Variants in PTPRO observed in about 807,000 individuals in gnomAD.
The protein encoded by PTPRO is receptor-type tyrosine-protein phosphatase O.
Under a neutral mutation model 145.2 loss-of-function variants are expected in PTPRO, and 62 were observed. The observed-to-expected ratio is 0.43, with a 90% CI of 0.35 to 0.53. PTPRO has a LOEUF of 0.53. Ranked by LOEUF, PTPRO falls within the 20% of genes least tolerant of loss-of-function variation. The pLI is 0.01. For synonymous variants in PTPRO, 565 were observed against 514.7 expected, an observed-to-expected ratio of 1.10 and a Z score of -1.32; for missense variants, 1,345 against 1,482.7, an observed-to-expected ratio of 0.91 and a Z score of 1.53.
At chr12:15,523,421 T>A (rs1286678641) in intron 10 of PTPRO, among the ~76,000 whole-genome samples, 1 of 152,196 alleles carries the variant, frequency 6.6e-6, no homozygotes, top group African/African-American at 2.4e-5. Flanking sequence ...TCAGAGCCTA[T>A]ATAGTATAAA....
chr12:15,491,963 A>C (rs1047677999), intron 2 of PTPRO, among the ~76,000 whole-genome samples: 1 of 140,520 alleles, frequency 7.1e-6, no homozygotes, highest in Non-Finnish European at 1.5e-5. Context: ...CAAACAAACA[A>C]ACAAAAACAT....
At chr12:15,444,510 G>C (rs951965383) in intron 1 of PTPRO, among the ~76,000 whole-genome samples, 1 of 151,916 alleles carries the variant, frequency 6.6e-6, no homozygotes, top group South Asian at 2.1e-4. Context: ...GAAAAAAAAA[G>C]TTTTAAAGGC....
chr12:15,525,742 A>G (rs1942824399), intron 11 of PTPRO, among the ~76,000 whole-genome samples: 1 of 152,236 alleles, frequency 6.6e-6, no homozygotes, highest in African/African-American at 2.4e-5. Flanking sequence ...GATGGGAAAT[A>G]ACAATGGCTG....
At chr12:15,474,520 G>A (rs1413263965) in intron 1 of PTPRO, among the ~76,000 whole-genome samples, 1 of 152,172 alleles carries the variant, frequency 6.6e-6, no homozygotes, top group African/African-American at 2.4e-5. Context: ...ACATCAATTT[G>A]CTGTGTGACA....
At chr12:15,476,648 T>G (rs1268624827) in intron 1 of PTPRO, among the ~76,000 whole-genome samples, 1 of 152,024 alleles carries the variant, frequency 6.6e-6, no homozygotes, top group Non-Finnish European at 1.5e-5. Flanking sequence ...CCCACGCCTA[T>G]GTCCTGAATG....
chr12:15,578,743 A>G, intron 19 of PTPRO, 110 bp from the exon 20 acceptor site: 1 of 818,174 alleles, frequency 1.2e-6, no homozygotes, highest in Non-Finnish European at 2.1e-6. Context: ...CTCTAAAGGG[A>G]GCTACTGCAA....
intron 19 of PTPRO, among the ~76,000 whole-genome samples, chr12:15,569,773 A>AT (rs1270921986): frequency 1.3e-5 from 2 of 152,216 alleles, no homozygotes; most frequent in Non-Finnish European, 2.9e-5. Flanking sequence ...ATTGAAAACC[A>AT]GGGAAATCGA....
intron 14 of PTPRO, 142 bp from the exon 15 acceptor site, chr12:15,551,409 C>G: frequency 9.1e-7 from 1 of 1,104,750 alleles, no homozygotes. Flanking sequence ...GAGGTCATTG[C>G]TGGCTTGGGG....
chr12:15,447,201 G>A (rs982684009), intron 1 of PTPRO, among the ~76,000 whole-genome samples: 1 of 152,058 alleles, frequency 6.6e-6, no homozygotes, highest in Non-Finnish European at 1.5e-5. Context: ...AACAACAAAC[G>A]GCTATGATTT....
intron 1 of PTPRO, among the ~76,000 whole-genome samples, chr12:15,400,083 A>G (rs1939448577): frequency 7.1e-6 from 1 of 141,068 alleles, no homozygotes; most frequent in African/African-American, 2.6e-5. Context: ...GCCAGGTTCG[A>G]GGGTTCAAGC....
chr12:15,377,920 T>G (rs1452449544), intron 1 of PTPRO, among the ~76,000 whole-genome samples: 2 of 151,910 alleles, frequency 1.3e-5, no homozygotes, highest in Non-Finnish European at 2.9e-5. Context: ...AAATAACAAG[T>G]GAAATTTTAA....
Position 15,516,972 on chromosome 12 carries a change from C to A in PTPRO, c.1779+16C>A, listed in dbSNP as rs746282655. On this transcript the variant is annotated intron_variant, in intron 9 of 26. Coordinates refer to ENST00000281171, the MANE Select transcript of PTPRO (RefSeq NM_030667.3). ...TGCATCCGTGGTAATCTTCCCTTAA[C>A]CAACTGTCAGTCTTTCCTATGGGAA... 3 of 1,601,444 alleles carry A rather than the reference C, an allele frequency of 1.9e-6. No homozygotes were observed. The highest frequency in any genetic ancestry group is 2.7e-5 in the African/African-American group (2 of 74,636).
intron 1 of PTPRO, among the ~76,000 whole-genome samples, chr12:15,460,087 T>A (rs1333922932): frequency 2.0e-5 from 3 of 152,208 alleles, no homozygotes; most frequent in Admixed American, 1.3e-4. Flanking sequence ...ATTCACCTAT[T>A]TTCATGCTGA....
chr12:15,468,895 T>C (rs1941476581), intron 1 of PTPRO, among the ~76,000 whole-genome samples: 1 of 152,198 alleles, frequency 6.6e-6, no homozygotes, highest in Admixed American at 6.5e-5. Context: ...CAGAAAACCT[T>C]AGTGAAGGTG....
chr12:15,555,453 G>C (rs892831750), intron 15 of PTPRO, among the ~76,000 whole-genome samples: 1 of 152,172 alleles, frequency 6.6e-6, no homozygotes, highest in African/African-American at 2.4e-5. Context: ...TGGTGGCCTG[G>C]AAGCTAGGGG....
intron 19 of PTPRO, among the ~76,000 whole-genome samples, chr12:15,572,786 A>G (rs936228202): frequency 6.6e-6 from 1 of 151,956 alleles, no homozygotes; most frequent in African/African-American, 2.4e-5. Context: ...AACTAGATCA[A>G]TGGTTCTCAA....
At position 15,516,815 on chromosome 12, in the gene PTPRO, G is replaced by C; in HGVS notation, c.1638G>C (p.Val546=). ...TCTATCCTTTGGGTCCTACGGCCGT[G>C]GTTCTGAGCTGGACCAGACCTTATT... is the stretch of plus-strand genomic sequence containing the variant. ...LMLYPLGPTA[V]VLSWTRPYLG... is the part of the protein sequence containing the mutation. Residue 546 remains valine (V), a synonymous_variant, in exon 9 of 27, where the codon GTG becomes GTC. Transcript: ENST00000281171. The C allele has an allele frequency of 6.2e-7, 1 of 1,612,458 alleles. No individual in the cohort carries two copies. The highest frequency in any genetic ancestry group is 8.5e-7 in the Non-Finnish European group (1 of 1,178,478).
In PTPRO at chr12:15,589,458, T is replaced by G; in HGVS notation, c.3414T>G (p.Ala1138=). Residue 1138 remains alanine (A), a synonymous_variant, in exon 25 of 27, where the codon GCT becomes GCG. Coordinates refer to ENST00000281171, the MANE Select transcript of PTPRO (RefSeq NM_030667.3). The part of the protein sequence containing the change: ...SKGPMIIHCS[A]GVGRTGTFIA... ...CCATCGGAACATTCTTTTGCAGTGCTGGCGTGGGACGGACAGGAACATTCA... is the reference window on the plus strand; with the variant it reads ...CCATCGGAACATTCTTTTGCAGTGCGGGCGTGGGACGGACAGGAACATTCA... 6.2e-7 allele frequency: 1 copy of G among 1,614,016 alleles called. No individual in the cohort carries two copies. Among genetic ancestry groups the G allele is most frequent in the African/African-American group, 1.3e-5 (1 of 74,996 alleles).
intron 1 of PTPRO, among the ~76,000 whole-genome samples, chr12:15,417,187 G>A (rs748655709): frequency 6.6e-6 from 1 of 151,496 alleles, no homozygotes; most frequent in Non-Finnish European, 1.5e-5. Context: ...AAATACAGAC[G>A]CTACTCAGCT....
Sources: gnomAD v4.1 joint callset for allele counts (sites outside exome capture counted in the v4.1 genomes callset) on GRCh38, gnomAD v4.1.1 for gene constraint, MANE v1.5 for transcripts, NCBI Gene and HGNC (gene_info 2026-07-23, HGNC 2026-07-21) for gene names.